The following IL1RAPL2 variants were observed in gnomAD, a reference collection of about 807,000 sequenced individuals.
IL1RAPL2 encodes the protein interleukin 1 receptor accessory protein like 2.
In IL1RAPL2, 3 loss-of-function variants were observed where a neutral mutation model predicts 44.1. The ratio of observed to expected loss-of-function variants is 0.07; its 90% CI spans 0.03 to 0.18. The LOEUF is 0.18. Ranked by LOEUF, IL1RAPL2 falls within the 10% of genes least tolerant of loss-of-function variation. The pLI is 1.00. For missense variants in IL1RAPL2, 391 were observed against 496.4 expected, an observed-to-expected ratio of 0.79 and a Z score of 2.02; for synonymous variants, 181 against 178.8, an observed-to-expected ratio of 1.01 and a Z score of -0.10.
intron 2 of IL1RAPL2, among the ~76,000 whole-genome samples, chrX:104,741,560 G>A (rs893164330): frequency 3.6e-5 from 4 of 110,577 alleles, no homozygotes; most frequent in African/African-American, 1.3e-4. Flanking sequence ...TGAACCTATT[G>A]TCTCTAGCCT....
At chrX:104,844,304 A>C (rs753076102) in intron 2 of IL1RAPL2, among the ~76,000 whole-genome samples, 19 of 111,576 alleles carry the variant, frequency 1.7e-4, no homozygotes, top group Non-Finnish European at 3.2e-4. Context: ...CAATTAGGTC[A>C]ACCTTTTCCA....
At chrX:105,284,746 G>A (rs2034557980) in intron 5 of IL1RAPL2, among the ~76,000 whole-genome samples, 1 of 111,378 alleles carries the variant, frequency 9.0e-6, no homozygotes, top group Non-Finnish European at 1.9e-5. Context: ...TAACTTGCCC[G>A]GGTCACACAG....
intron 2 of IL1RAPL2, among the ~76,000 whole-genome samples, chrX:104,688,657 T>A (rs1252060363): frequency 1.8e-5 from 2 of 111,863 alleles, no homozygotes; most frequent in East Asian, 5.6e-4. Context: ...CTCTTCCTAC[T>A]AAGATTTTCA....
At chrX:105,228,524 A>G (rs1194242205) in intron 3 of IL1RAPL2, among the ~76,000 whole-genome samples, 1 of 112,353 alleles carries the variant, frequency 8.9e-6, no homozygotes, top group Non-Finnish European at 1.9e-5. Context: ...CCCAAGATTG[A>G]TCAATATTTT....
intron 5 of IL1RAPL2, among the ~76,000 whole-genome samples, chrX:105,358,355 T>G (rs1162588192): frequency 2.7e-5 from 2 of 74,030 alleles, no homozygotes; most frequent in Admixed American, 1.9e-4. Context: ...GTTAAAAAGT[T>G]CAGTCTTTTT....
intron 1 of IL1RAPL2, among the ~76,000 whole-genome samples, chrX:104,621,267 G>T (rs1929392578): frequency 1.9e-5 from 2 of 106,725 alleles, no homozygotes; most frequent in Non-Finnish European, 3.8e-5. Context: ...ATTACATCTA[G>T]AATTATATTA....
chrX:105,194,316 AG>A (rs2033656881), intron 2 of IL1RAPL2, among the ~76,000 whole-genome samples: 2 of 112,505 alleles, frequency 1.8e-5, no homozygotes, highest in African/African-American at 6.5e-5. Flanking sequence ...CAAAATCATA[AG>A]TGAAACATAT....
At position 105,090,371 on chromosome X, in the gene IL1RAPL2, A is replaced by T. The variant is rs936068139; in HGVS notation, c.83-105104A>T. ...TGTATTTTCTATGTTTAACTGGGGG[A>T]AAAAAGTATGTATAAGTAGAACTGT... On this transcript the variant is annotated intron_variant, in intron 2 of 10. Transcript: ENST00000372582. 1.6e-4 allele frequency among the ~76,000 whole-genome samples: 18 copies of T among 111,676 alleles called. No homozygotes were observed. The East Asian group carries it at 4.8e-3, about 30-fold the overall frequency.
At chrX:105,479,597 G>A (rs2036220723) in intron 5 of IL1RAPL2, among the ~76,000 whole-genome samples, 1 of 108,817 alleles carries the variant, frequency 9.2e-6, no homozygotes, top group African/African-American at 3.3e-5. Context: ...AAATTAGCCG[G>A]GCGTGGTGGT....
chrX:104,582,872 T>TTTC (rs1928437015), intron 1 of IL1RAPL2, among the ~76,000 whole-genome samples: 1 of 47,530 alleles, frequency 2.1e-5, no homozygotes, highest in Admixed American at 2.4e-4. Context: ...TTCTTTCTTT[T>TTTC]TCTTTTCTTT....
intron 2 of IL1RAPL2, among the ~76,000 whole-genome samples, chrX:104,907,895 C>G (rs1274599708): frequency 1.8e-5 from 2 of 109,523 alleles, no homozygotes; most frequent in East Asian, 2.9e-4. Flanking sequence ...CTAATGTTGA[C>G]AGTGGGGTGT....
intron 2 of IL1RAPL2, among the ~76,000 whole-genome samples, chrX:104,959,763 T>C (rs999059409): frequency 2.7e-5 from 3 of 110,914 alleles, no homozygotes; most frequent in African/African-American, 9.9e-5. Context: ...GACAAAACAT[T>C]GGGCAATCCC....
At chrX:104,820,601 A>G (rs558169627) in intron 2 of IL1RAPL2, among the ~76,000 whole-genome samples, 34 of 111,643 alleles carry the variant, frequency 3.0e-4, no homozygotes, top group Middle Eastern at 4.6e-3. Flanking sequence ...CATAGGTCTA[A>G]CTCAGTACAA....
At chrX:104,723,623 A>G (rs1188334446) in intron 2 of IL1RAPL2, among the ~76,000 whole-genome samples, 1 of 110,808 alleles carries the variant, frequency 9.0e-6, no homozygotes, top group Non-Finnish European at 1.9e-5. Context: ...AGGGTGAACA[A>G]CAACAAAAAA....
chrX:104,575,745 T>G (rs1174041373), intron 1 of IL1RAPL2, among the ~76,000 whole-genome samples: 1 of 111,637 alleles, frequency 9.0e-6, no homozygotes, highest in Non-Finnish European at 1.9e-5. Flanking sequence ...TATACACCAT[T>G]AGTTTTTTAA....
chrX:104,846,537 T>G (rs1349215156), intron 2 of IL1RAPL2, among the ~76,000 whole-genome samples: 4 of 111,846 alleles, frequency 3.6e-5, no homozygotes, highest in African/African-American at 1.3e-4. Flanking sequence ...CATCCTTTTT[T>G]ATGGCTGCAT....
intron 6 of IL1RAPL2, among the ~76,000 whole-genome samples, chrX:105,674,936 G>A (rs185293616): frequency 7.3e-5 from 8 of 110,212 alleles, no homozygotes; most frequent in Non-Finnish European, 1.5e-4. Flanking sequence ...CGAAGGGGGG[G>A]TTCCTTCATG....
intron 5 of IL1RAPL2, among the ~76,000 whole-genome samples, chrX:105,400,896 C>A (rs1424177147): frequency 9.0e-6 from 1 of 111,577 alleles, no homozygotes; most frequent in African/African-American, 3.3e-5. Context: ...TGAGACTGGG[C>A]AATTTATAAT....
intron 2 of IL1RAPL2, among the ~76,000 whole-genome samples, chrX:104,675,239 G>A (rs1930721101): frequency 9.0e-6 from 1 of 111,032 alleles, no homozygotes; most frequent in Non-Finnish European, 1.9e-5. Flanking sequence ...GGCATTTAGT[G>A]CTATAAATTT....
Sources: allele counts gnomAD v4.1 joint callset (sites outside exome capture counted in the v4.1 genomes callset), GRCh38; gene constraint gnomAD v4.1.1; transcripts MANE v1.5; gene names NCBI Gene and HGNC (gene_info 2026-07-23, HGNC 2026-07-21).